TMEM117: variants seen among roughly 807,000 people sequenced by gnomAD.
TMEM117 encodes transmembrane protein 117.
A neutral mutation model predicts 52.4 loss-of-function variants in TMEM117; 27 were observed. The observed-to-expected ratio is 0.51, with a 90% CI of 0.38 to 0.71. The LOEUF (loss-of-function observed/expected upper bound fraction) is 0.71. TMEM117 is among the 30% of genes least tolerant of loss of function. The pLI is 0.00. For synonymous variants in TMEM117, 215 were observed against 206.3 expected, an observed-to-expected ratio of 1.04 and a Z score of -0.36; for missense variants, 556 against 630.5, an observed-to-expected ratio of 0.88 and a Z score of 1.26.
intron 5 of TMEM117, among the ~76,000 whole-genome samples, chr12:44,221,833 C>T (rs749954335): frequency 6.6e-6 from 1 of 151,714 alleles, no homozygotes; most frequent in African/African-American, 2.4e-5. Context: ...CGAGTAGCTG[C>T]GATTACAGGC....
intron 3 of TMEM117, among the ~76,000 whole-genome samples, chr12:44,120,916 C>T (rs1475060866): frequency 2.2e-4 from 33 of 152,148 alleles, no homozygotes; most frequent in Non-Finnish European, 4.4e-5. Context: ...CTTTATTAGT[C>T]CATTTTCATG....
intron 5 of TMEM117, among the ~76,000 whole-genome samples, chr12:44,273,836 C>G (rs1950479344): frequency 6.6e-6 from 1 of 151,962 alleles, no homozygotes; most frequent in South Asian, 2.1e-4. Flanking sequence ...ATAATAAAAG[C>G]CATCCAAACA....
At chr12:44,383,755 T>A (rs967970394) in intron 7 of TMEM117, among the ~76,000 whole-genome samples, 4 of 152,196 alleles carry the variant, frequency 2.6e-5, no homozygotes, top group Admixed American at 2.0e-4. Context: ...GCACTTTCTA[T>A]TCTGTTCTTT....
chr12:44,133,046 G>A (rs1471806924), intron 3 of TMEM117, among the ~76,000 whole-genome samples: 1 of 152,206 alleles, frequency 6.6e-6, no homozygotes, highest in African/African-American at 2.4e-5. Flanking sequence ...ATTTGAGACT[G>A]CAGGGCATCA....
chr12:44,311,769 G>GTGTA (rs1565701192), intron 6 of TMEM117, among the ~76,000 whole-genome samples: 3 of 122,080 alleles, frequency 2.5e-5, no homozygotes, highest in African/African-American at 1.0e-4. Context: ...ATATATATAT[G>GTGTA]TATATATGTG....
At position 44,388,425 on chromosome 12, in the gene TMEM117, G is replaced by T. The variant is rs199709654; in HGVS notation, c.1298G>T (p.Arg433Leu). Residue 433 changes from arginine (R) to leucine (L), a missense_variant, in exon 8 of 8, where the codon CGC (arginine) becomes CTC (leucine). Physicochemically the swap from Arg to Leu is moderately radical, Grantham distance 102. Coordinates refer to ENST00000266534, the MANE Select transcript of TMEM117 (RefSeq NM_032256.3). Reference sequence around the variant, plus strand: ...GAGAATCAAGACAAAACTTACACTCGCATGAAAAGAAAATCTCCATCAGAA... The same window carrying T: ...GAGAATCAAGACAAAACTTACACTCTCATGAAAAGAAAATCTCCATCAGAA... Reference protein sequence around the residue: ...RMENQDKTYTRMKRKSPSEHS... With the variant: ...RMENQDKTYTLMKRKSPSEHS... The T allele has an allele frequency of 1.6e-4, 263 of 1,613,224 alleles. 3 individuals are homozygous for T. In the South Asian group the frequency reaches 1.8e-3, roughly 11 times the overall value.
At chr12:43,933,447 C>T (rs1450388935) in intron 2 of TMEM117, among the ~76,000 whole-genome samples, 7 of 151,800 alleles carry the variant, frequency 4.6e-5, no homozygotes, top group East Asian at 1.9e-4. Context: ...GTGATCTGCC[C>T]GCCTCGGCCT....
intron 3 of TMEM117, among the ~76,000 whole-genome samples, chr12:44,088,588 T>A (rs1372513300): frequency 6.6e-6 from 1 of 152,184 alleles, no homozygotes. Flanking sequence ...CCATTTAGAT[T>A]ATGAGTGATC....
At position 44,283,615 on chromosome 12, in the gene TMEM117, T is replaced by C. The variant is rs868477739; in HGVS notation, c.609-15965T>C. 2.6e-5 allele frequency among the ~76,000 whole-genome samples: 4 copies of C among 152,180 alleles called. No individual in the cohort carries two copies. The South Asian group carries it at 8.3e-4, about 32-fold the overall frequency. On this transcript the variant is annotated intron_variant, in intron 5 of 7. Transcript: ENST00000266534. ...ACCCCCATTGTATCTAGGAAGTAAC[T>C]AGCTTGCTTTTGATTTTACAGGCTC...
chr12:43,804,496 A>G, the TMEM117 span: 25 of 1,579,118 alleles, frequency 1.6e-5, no homozygotes, highest in Non-Finnish European at 2.1e-5. Flanking sequence ...TTAACTAACC[A>G]TTTTCAATAG....
intron 4 of TMEM117, among the ~76,000 whole-genome samples, chr12:44,154,941 T>A (rs1948806888): frequency 6.6e-6 from 1 of 152,058 alleles, no homozygotes; most frequent in Non-Finnish European, 1.5e-5. Flanking sequence ...GACCATAATA[T>A]CTTTGAGAAC....
chr12:44,224,827 A>G (rs1405050029), intron 5 of TMEM117, among the ~76,000 whole-genome samples: 1 of 152,112 alleles, frequency 6.6e-6, no homozygotes, highest in Non-Finnish European at 1.5e-5. Flanking sequence ...GGTAATTTAA[A>G]AAAATCACCA....
chr12:44,348,603 C>T lies in TMEM117; in HGVS notation c.769-27992C>T, dbSNP rs1025437413. Among the ~76,000 whole-genome samples the T allele has an allele frequency of 1.4e-4, 22 of 151,890 alleles. 1 individual carries two copies. Among genetic ancestry groups the T allele is most frequent in the South Asian group, 6.2e-4 (3 of 4,820 alleles). ...TTTTTAAAACATTTTGTGTTTATAGCTCTTGAATTTTTTCTTAAATTTTCT... is the reference window on the plus strand; with the variant it reads ...TTTTTAAAACATTTTGTGTTTATAGTTCTTGAATTTTTTCTTAAATTTTCT... On this transcript the variant is annotated intron_variant, in intron 6 of 7. Transcript: ENST00000266534.
intron 3 of TMEM117, among the ~76,000 whole-genome samples, chr12:44,049,760 C>A (rs1054733577): frequency 1.3e-5 from 2 of 152,056 alleles, no homozygotes; most frequent in Non-Finnish European, 2.9e-5. Context: ...TGGGTTCAAT[C>A]ATTTTAAAAA....
chr12:44,396,515 A>T, the TMEM117 span, among the ~76,000 whole-genome samples: 1 of 152,168 alleles, frequency 6.6e-6, no homozygotes, highest in Admixed American at 6.6e-5. Flanking sequence ...ACTCAATAAA[A>T]TTTGACTGAA....
At chr12:44,256,540 T>C (rs933641219) in intron 5 of TMEM117, among the ~76,000 whole-genome samples, 3 of 152,068 alleles carry the variant, frequency 2.0e-5, no homozygotes, top group African/African-American at 4.8e-5. Context: ...AATTTTGATG[T>C]AGATTTATAC....
intron 3 of TMEM117, among the ~76,000 whole-genome samples, chr12:44,005,775 G>A (rs901175220): frequency 2.0e-5 from 3 of 152,174 alleles, no homozygotes; most frequent in African/African-American, 4.8e-5. Flanking sequence ...CCCAGTGGAA[G>A]GTCATTGAAT....
chr12:44,355,934 G>A (rs755663217), intron 6 of TMEM117, among the ~76,000 whole-genome samples: 2 of 152,140 alleles, frequency 1.3e-5, no homozygotes, highest in East Asian at 3.9e-4. Context: ...ATAAAGATTG[G>A]TGGCTAACTC....
At chr12:44,263,502 C>T (rs902921351) in intron 5 of TMEM117, 5 of 152,150 alleles carry the variant, frequency 3.3e-5, no homozygotes, top group East Asian at 3.9e-4. Flanking sequence ...GTATATACCC[C>T]AAGGATTATA....
Sources: gnomAD v4.1 joint callset for allele counts (sites outside exome capture counted in the v4.1 genomes callset) on GRCh38, gnomAD v4.1.1 for gene constraint, MANE v1.5 for transcripts, NCBI Gene and HGNC (gene_info 2026-07-23, HGNC 2026-07-21) for gene names.